Variants in USO1 observed in about 807,000 individuals in gnomAD.
The protein encoded by USO1 is general vesicular transport factor p115.
In USO1, 57 loss-of-function variants were observed where a neutral mutation model predicts 124.5. The ratio of observed to expected loss-of-function variants is 0.46; its 90% CI spans 0.37 to 0.57. USO1 has a LOEUF of 0.57. USO1 is among the 20% of genes least tolerant of loss of function. The pLI, the probability that USO1 is intolerant of heterozygous loss-of-function variation, is 0.00. For synonymous variants in USO1, 369 were observed against 362.8 expected, an observed-to-expected ratio of 1.02 and a Z score of -0.19; for missense variants, 900 against 1,040.6, an observed-to-expected ratio of 0.86 and a Z score of 1.86.
At chr4:75,738,243 G>A (rs549512830) in intron 1 of USO1, among the ~76,000 whole-genome samples, 11 of 151,964 alleles carry the variant, frequency 7.2e-5, no homozygotes, top group African/African-American at 2.6e-4. Context: ...GATCATCCAA[G>A]GTCAGGAGTT....
At chr4:75,726,016 T>C (rs1432128512) in intron 1 of USO1, among the ~76,000 whole-genome samples, 1 of 152,116 alleles carries the variant, frequency 6.6e-6, no homozygotes, top group East Asian at 1.9e-4. Context: ...ACGCGGTGGC[T>C]CACGCCTCTA....
intron 1 of USO1, among the ~76,000 whole-genome samples, chr4:75,732,772 G>A (rs373762384): frequency 1.3e-5 from 2 of 150,056 alleles, no homozygotes; most frequent in Non-Finnish European, 3.0e-5. Flanking sequence ...CCAGCTACTT[G>A]GGAAGCTGAG....
chr4:75,805,030 G>A, intron 18 of USO1, 110 bp from the exon 19 acceptor site: 1 of 1,360,854 alleles, frequency 7.3e-7, no homozygotes, highest in Non-Finnish European at 9.7e-7. Flanking sequence ...GATTGCAAAA[G>A]TGCTGCCAAA....
intron 9 of USO1, among the ~76,000 whole-genome samples, chr4:75,783,181 T>C (rs1472036167): frequency 6.6e-6 from 1 of 152,208 alleles, no homozygotes; most frequent in Non-Finnish European, 1.5e-5. Flanking sequence ...GATTTGAATT[T>C]TTAAAAACCT....
chr4:75,795,464 A>G, intron 13 of USO1: 1 of 672,934 alleles, frequency 1.5e-6, no homozygotes, highest in Non-Finnish European at 2.7e-6. Context: ...TTGAAGTTAC[A>G]TTCTACTCAC....
At position 75,761,781 on chromosome 4, in the gene USO1, G is replaced by A. The variant is rs770579786; in HGVS notation, c.295+4208G>A. ...TTTTTAAATGAAGAAGGAAATATTC[G>A]TATCTAAAGCAGTGTTTAAAAGGTA... On this transcript the variant is annotated intron_variant, in intron 4 of 23. Transcript: ENST00000514213. 4.6e-5 allele frequency among the ~76,000 whole-genome samples: 7 copies of A among 152,192 alleles called. No homozygotes were observed. In the South Asian group the frequency reaches 6.2e-4, roughly 14 times the overall value.
intron 1 of USO1, among the ~76,000 whole-genome samples, chr4:75,725,542 A>G (rs1323612213): frequency 6.6e-6 from 1 of 151,906 alleles, no homozygotes; most frequent in African/African-American, 2.4e-5. Context: ...AGGGATCTTA[A>G]GCGCTCAAAC....
intron 1 of USO1, among the ~76,000 whole-genome samples, chr4:75,749,323 C>T (rs534473760): frequency 5.3e-5 from 8 of 151,530 alleles, no homozygotes; most frequent in African/African-American, 1.2e-4. Flanking sequence ...AATTCAGATA[C>T]GTAGGGTGCA....
intron 3 of USO1, among the ~76,000 whole-genome samples, chr4:75,755,928 T>C (rs1040380904): frequency 6.6e-6 from 1 of 152,088 alleles, no homozygotes; most frequent in Non-Finnish European, 1.5e-5. Flanking sequence ...CCCAGCACTT[T>C]GGGAAGCCGA....
At chr4:75,771,290 G>A (rs559866681) in intron 7 of USO1, among the ~76,000 whole-genome samples, 153 bp downstream of exon 7, 1 of 152,012 alleles carries the variant, frequency 6.6e-6, no homozygotes, top group South Asian at 2.1e-4. Context: ...ACAGAGATGG[G>A]GGTCTCTCTA....
At chr4:75,788,748 T>C (rs1247842038) in intron 10 of USO1, among the ~76,000 whole-genome samples, 3 of 151,978 alleles carry the variant, frequency 2.0e-5, no homozygotes, top group Admixed American at 6.6e-5. Context: ...TCCACCACAT[T>C]GGCCAGGCTC....
intron 1 of USO1, among the ~76,000 whole-genome samples, chr4:75,728,863 A>G (rs1399249116): frequency 1.3e-5 from 2 of 151,862 alleles, no homozygotes; most frequent in African/African-American, 4.8e-5. Context: ...CAGTGGCGCA[A>G]TCTTGGCTCA....
intron 1 of USO1, chr4:75,744,847 T>C: frequency 2.2e-6 from 1 of 453,918 alleles, no homozygotes; most frequent in South Asian, 1.6e-5. Flanking sequence ...ACTTCCGATG[T>C]GTTTTGTTTT....
At chr4:75,783,208 G>T (rs1722271940) in intron 9 of USO1, among the ~76,000 whole-genome samples, 1 of 152,076 alleles carries the variant, frequency 6.6e-6, no homozygotes, top group Admixed American at 6.6e-5. Context: ...TTCACTTAGG[G>T]CTCTAATAGG....
chr4:75,762,753 C>A (rs977484114), intron 4 of USO1, among the ~76,000 whole-genome samples: 3 of 151,928 alleles, frequency 2.0e-5, no homozygotes, highest in African/African-American at 7.3e-5. Context: ...ATGGTGAAAC[C>A]CCATCTCTAC....
At position 75,774,670 on chromosome 4, in the gene USO1, C is replaced by G; in HGVS notation, c.556-6C>G. ...CTCCACTAAACATTCTCTTTCTTCT[C>G]TATAGGGCGTCTTACTACTGCAGGC... On this transcript the variant is annotated splice_region_variant and splice_polypyrimidine_tract_variant and intron_variant, in intron 7 of 23. Coordinates refer to ENST00000514213, the MANE Select transcript of USO1 (RefSeq NM_003715.4). The G allele has an allele frequency of 6.2e-7, 1 of 1,609,422 alleles. No homozygotes were observed. Among genetic ancestry groups the G allele is most frequent in the Non-Finnish European group, 8.5e-7 (1 of 1,178,130 alleles).
intron 20 of USO1, among the ~76,000 whole-genome samples, chr4:75,808,093 T>C (rs2149195136): frequency 6.6e-6 from 1 of 152,302 alleles, no homozygotes; most frequent in South Asian, 2.1e-4. Flanking sequence ...TCTCCAGACA[T>C]TACCAAATGT....
intron 8 of USO1, among the ~76,000 whole-genome samples, chr4:75,776,308 A>G (rs182748252): frequency 2.6e-5 from 4 of 152,338 alleles, no homozygotes; most frequent in Non-Finnish European, 2.9e-5. Context: ...GATAAAGCAG[A>G]TTCTTTAAAG....
chr4:75,780,099 GATTTACTGAGCACAC>G (rs1317781649), intron 8 of USO1, among the ~76,000 whole-genome samples: 4 of 152,112 alleles, frequency 2.6e-5, no homozygotes, highest in Non-Finnish European at 5.9e-5. Context: ...GTAATAGCAT[GATTTACTGAGCACAC>G]ATTTACTGAA....
Sources: allele counts gnomAD v4.1 joint callset (sites outside exome capture counted in the v4.1 genomes callset), GRCh38; gene constraint gnomAD v4.1.1; transcripts MANE v1.5; gene names NCBI Gene and HGNC (gene_info 2026-07-23, HGNC 2026-07-21).